SHCBP1L: variants seen among roughly 807,000 people sequenced by gnomAD.
The protein encoded by SHCBP1L is SHC binding and spindle associated 1 like.
In SHCBP1L, 67 loss-of-function variants were observed where a neutral mutation model predicts 62.5. That is an observed-to-expected ratio of 1.07 (90% CI 0.88 to 1.31). The LOEUF is 1.31. Among genes scored for constraint, SHCBP1L ranks in the 40% most tolerant of loss-of-function variants. The pLI is 0.00. For missense variants in SHCBP1L, 823 were observed against 809.8 expected (o/e 1.02, Z -0.20); for synonymous variants, 284 against 289.4 (o/e 0.98, Z 0.19).
intron 6 of SHCBP1L, among the ~76,000 whole-genome samples, chr1:182,919,576 GT>G (rs1403302047): frequency 6.6e-6 from 1 of 152,120 alleles, no homozygotes; most frequent in East Asian, 1.9e-4. Context: ...TTTCCTCAAA[GT>G]TAAAAACTGT....
chr1:182,904,766 C>CTTT lies in SHCBP1L; in HGVS notation c.1337-339_1337-337dup, dbSNP rs56874077. Among the ~76,000 whole-genome samples the CTTT allele has an allele frequency of 6.8e-3, 1,019 of 150,652 alleles. 14 individuals are homozygous for CTTT. The highest frequency in any genetic ancestry group is 0.023 in the African/African-American group (946 of 40,916). ...TACATAACTATAGTGTAATCTTTTT[C>CTTT]TTTTTTTTTGAGACAGTCTTGCTCT... On this transcript the variant is annotated intron_variant, in intron 7 of 9. Transcript: ENST00000367547.
At chr1:182,936,550 T>C (rs1342177880) in intron 5 of SHCBP1L, among the ~76,000 whole-genome samples, 1 of 152,210 alleles carries the variant, frequency 6.6e-6, no homozygotes, top group African/African-American at 2.4e-5. Flanking sequence ...TTGCAACATA[T>C]ATTTTTAACT....
chr1:182,907,562 CTTATTA>C (rs1005963024), intron 6 of SHCBP1L, among the ~76,000 whole-genome samples: 38 of 149,196 alleles, frequency 2.5e-4, no homozygotes, highest in African/African-American at 7.4e-4. Flanking sequence ...CTTTCTTATT[CTTATTA>C]TTATTATTAT....
chr1:182,900,355 G>T (rs1649789759), intron 9 of SHCBP1L, 121 bp from the exon 10 acceptor site: 1 of 809,322 alleles, frequency 1.2e-6, no homozygotes. Context: ...AAACAACCAA[G>T]ACTCTCAATT....
At chr1:182,931,682 C>T (rs193178930) in intron 5 of SHCBP1L, among the ~76,000 whole-genome samples, 116 of 152,198 alleles carry the variant, frequency 7.6e-4, no homozygotes, top group Non-Finnish European at 1.6e-3. Flanking sequence ...CCCTTGTTCC[C>T]CCCGCACACA....
At chr1:182,934,504 A>G (rs1377569073) in intron 5 of SHCBP1L, among the ~76,000 whole-genome samples, 1 of 152,086 alleles carries the variant, frequency 6.6e-6, no homozygotes, top group African/African-American at 2.4e-5. Context: ...TAAGGTGTCT[A>G]TTCAGATCTT....
At chr1:182,919,947 G>A (rs191369897) in intron 6 of SHCBP1L, among the ~76,000 whole-genome samples, 4 of 152,068 alleles carry the variant, frequency 2.6e-5, no homozygotes, top group Non-Finnish European at 5.9e-5. Context: ...ACAGGCAGAC[G>A]TCACCACCCC....
chr1:182,918,247 C>T (rs1230499037), intron 6 of SHCBP1L, among the ~76,000 whole-genome samples: 2 of 147,574 alleles, frequency 1.4e-5, no homozygotes, highest in African/African-American at 5.0e-5. Context: ...CATATATATA[C>T]ACACATATAT....
At chr1:182,914,465 A>G (rs545336316) in intron 6 of SHCBP1L, among the ~76,000 whole-genome samples, 1 of 152,258 alleles carries the variant, frequency 6.6e-6, no homozygotes, top group Non-Finnish European at 1.5e-5. Flanking sequence ...ATGGGGAAAC[A>G]ATGTATAAAG....
chr1:182,919,310 T>G (rs558844107), intron 6 of SHCBP1L, among the ~76,000 whole-genome samples: 3 of 152,192 alleles, frequency 2.0e-5, no homozygotes, highest in Admixed American at 6.5e-5. Flanking sequence ...GCACCTTGCC[T>G]GCCACTTGGA....
chr1:182,903,299 A>G, intron 8 of SHCBP1L, 138 bp from the exon 9 acceptor site: 1 of 585,718 alleles, frequency 1.7e-6, no homozygotes, highest in Non-Finnish European at 2.7e-6. Context: ...TCATGCATGC[A>G]ACTGTTAATT....
At chr1:182,914,886 C>T (rs185340441) in intron 6 of SHCBP1L, among the ~76,000 whole-genome samples, 85 of 151,982 alleles carry the variant, frequency 5.6e-4, no homozygotes, top group Non-Finnish European at 1.1e-3. Context: ...AATCTCATTT[C>T]AGGCCGGGTG....
chr1:182,902,103 C>T (rs1342493522), intron 9 of SHCBP1L, among the ~76,000 whole-genome samples: 1 of 147,596 alleles, frequency 6.8e-6, no homozygotes, highest in Non-Finnish European at 1.5e-5. Context: ...ATCTGTCACC[C>T]AGGCTGGAGT....
intron 5 of SHCBP1L, among the ~76,000 whole-genome samples, chr1:182,931,673 C>G (rs561884797): frequency 6.6e-6 from 1 of 152,134 alleles, no homozygotes; most frequent in Non-Finnish European, 1.5e-5. Context: ...CCTGTGTATC[C>G]CTTGTTCCCC....
intron 6 of SHCBP1L, among the ~76,000 whole-genome samples, chr1:182,916,098 G>A (rs1158054959): frequency 6.6e-6 from 1 of 152,076 alleles, no homozygotes. Flanking sequence ...GAGCCACTGC[G>A]CCCGGCCTGA....
intron 6 of SHCBP1L, among the ~76,000 whole-genome samples, chr1:182,923,553 C>T (rs1296924340): frequency 6.6e-6 from 1 of 152,092 alleles, no homozygotes; most frequent in Admixed American, 6.6e-5. Context: ...ATAACATTAG[C>T]TTTATTCCTG....
At chr1:182,921,896 G>C (rs1650539851) in intron 6 of SHCBP1L, among the ~76,000 whole-genome samples, 1 of 151,788 alleles carries the variant, frequency 6.6e-6, no homozygotes, top group Non-Finnish European at 1.5e-5. Flanking sequence ...CCAAAAAAAA[G>C]AAATCCATTT....
intron 6 of SHCBP1L, among the ~76,000 whole-genome samples, chr1:182,908,285 G>A (rs557114706): frequency 7.8e-4 from 106 of 136,436 alleles, no homozygotes; most frequent in Middle Eastern, 7.0e-3. Flanking sequence ...TCCTGCACCA[G>A]TAGTTAGCAG....
intron 2 of SHCBP1L, among the ~76,000 whole-genome samples, chr1:182,948,509 T>C (rs1055690457): frequency 1.3e-5 from 2 of 152,176 alleles, no homozygotes; most frequent in Admixed American, 1.3e-4. Flanking sequence ...AGCCACAGAA[T>C]GCAGGCTGCT....
Sources: gnomAD v4.1 joint callset for allele counts (sites outside exome capture counted in the v4.1 genomes callset) on GRCh38, gnomAD v4.1.1 for gene constraint, MANE v1.5 for transcripts, NCBI Gene and HGNC (gene_info 2026-07-23, HGNC 2026-07-21) for gene names.